Variants in DPP6 observed in about 807,000 individuals in gnomAD.
DPP6 encodes dipeptidyl peptidase like 6.
Under a neutral mutation model 122.6 loss-of-function variants are expected in DPP6, and 69 were observed. The ratio of observed to expected loss-of-function variants is 0.56; its 90% CI spans 0.46 to 0.69. DPP6 has a LOEUF of 0.69. Ranked by LOEUF, DPP6 falls within the 30% of genes least tolerant of loss-of-function variation. The pLI is 0.00. For missense variants in DPP6, 928 were observed against 1,116.9 expected, an observed-to-expected ratio of 0.83 and a Z score of 2.41; for synonymous variants, 418 against 433.1, an observed-to-expected ratio of 0.97 and a Z score of 0.43.
At chr7:154,571,035 C>A (rs1197619614) in intron 5 of DPP6, among the ~76,000 whole-genome samples, 2 of 152,146 alleles carry the variant, frequency 1.3e-5, no homozygotes, top group Non-Finnish European at 2.9e-5. Flanking sequence ...TCCAAAGAGA[C>A]AACATGTGCT....
intron 3 of DPP6, among the ~76,000 whole-genome samples, chr7:154,525,124 G>A (rs1827299457): frequency 6.6e-6 from 1 of 152,146 alleles, no homozygotes; most frequent in African/African-American, 2.4e-5. Flanking sequence ...CAACATCACA[G>A]AGTTTTAAAT....
chr7:154,783,735 A>C (rs1395104151), intron 10 of DPP6, among the ~76,000 whole-genome samples: 1 of 152,100 alleles, frequency 6.6e-6, no homozygotes, highest in African/African-American at 2.4e-5. Flanking sequence ...TGCAGGTCCC[A>C]CGCCTTGGGA....
intron 1 of DPP6, among the ~76,000 whole-genome samples, chr7:154,023,759 G>A (rs1798835741): frequency 6.6e-6 from 1 of 152,070 alleles, no homozygotes; most frequent in East Asian, 1.9e-4. Flanking sequence ...TGGGATTACA[G>A]GTGTGAACCA....
intron 1 of DPP6, among the ~76,000 whole-genome samples, chr7:154,438,341 G>A (rs1034522617): frequency 4.6e-5 from 7 of 151,248 alleles, no homozygotes; most frequent in African/African-American, 1.2e-4. Flanking sequence ...GTGGTGGCGG[G>A]AGCCTGTAGT....
intron 4 of DPP6, among the ~76,000 whole-genome samples, chr7:154,542,294 A>T (rs149144565): frequency 6.6e-6 from 1 of 152,326 alleles, no homozygotes; most frequent in East Asian, 1.9e-4. Context: ...AGAGAATCTG[A>T]TTCAACTCAC....
chr7:154,220,458 A>G (rs1335624520), intron 1 of DPP6, among the ~76,000 whole-genome samples: 4 of 152,212 alleles, frequency 2.6e-5, no homozygotes, highest in African/African-American at 9.6e-5. Context: ...AGAGAAAGCA[A>G]CTATTGGGCA....
intron 17 of DPP6, 35 bp from the exon 18 acceptor site, chr7:154,867,960 T>C (rs1390374705): frequency 1.3e-6 from 2 of 1,559,726 alleles, no homozygotes; most frequent in East Asian, 4.7e-5. Flanking sequence ...GAGTGACCAC[T>C]GCATCTCAGT....
chr7:154,554,684 GA>G (rs534514930), intron 4 of DPP6, among the ~76,000 whole-genome samples: 6 of 152,134 alleles, frequency 3.9e-5, no homozygotes, highest in Non-Finnish European at 8.8e-5. Context: ...TTGTGTTATT[GA>G]TATAACTGGT....
intron 5 of DPP6, among the ~76,000 whole-genome samples, chr7:154,576,846 A>G (rs1831714512): frequency 6.6e-6 from 1 of 152,152 alleles, no homozygotes; most frequent in Non-Finnish European, 1.5e-5. Context: ...GTATTTTCAG[A>G]GGAGTGGTGA....
At position 154,554,247 on chromosome 7, in the gene DPP6, T is replaced by C. The variant is rs140843320; in HGVS notation, c.553-12595T>C. Among the ~76,000 whole-genome samples, 875 of 152,300 alleles carry C rather than the reference T, an allele frequency of 5.7e-3. 5 individuals are homozygous for C. The highest frequency in any genetic ancestry group is 0.02 in the African/African-American group (825 of 41,550). On this transcript the variant is annotated intron_variant, in intron 4 of 25. Transcript: ENST00000377770. ...GGAAGGGAGAATACAATCATCTATT[T>C]ATGTTAAATTTGATGTGTGCACCCA...
At chr7:154,136,241 C>G (rs1795550548) in intron 1 of DPP6, among the ~76,000 whole-genome samples, 1 of 152,124 alleles carries the variant, frequency 6.6e-6, no homozygotes, top group East Asian at 1.9e-4. Context: ...CAGTCGACTC[C>G]AAGACTGTCA....
chr7:153,785,174 C>T, the DPP6 span, among the ~76,000 whole-genome samples: 50 of 151,988 alleles, frequency 3.3e-4, no homozygotes, highest in Non-Finnish European at 5.1e-4. Context: ...CACTTAGTAA[C>T]GAGGAAAGAG....
intron 1 of DPP6, among the ~76,000 whole-genome samples, chr7:153,998,812 A>T (rs1367011567): frequency 6.6e-6 from 1 of 152,262 alleles, no homozygotes; most frequent in Non-Finnish European, 1.5e-5. Flanking sequence ...TCTATGAAGA[A>T]TGTACCCCAA....
chr7:154,516,888 G>C lies in DPP6; in HGVS notation c.458-23644G>C, dbSNP rs374684345. Reference sequence around the variant, plus strand: ...TGTGTGTGTTTTGCCTTGGCAACACGGACCAAGGCACCAGAATAGCACACA... The same window carrying C: ...TGTGTGTGTTTTGCCTTGGCAACACCGACCAAGGCACCAGAATAGCACACA... On this transcript the variant is annotated intron_variant, in intron 3 of 25. Coordinates refer to ENST00000377770, the MANE Select transcript of DPP6 (RefSeq NM_130797.4). 2.0e-5 allele frequency among the ~76,000 whole-genome samples: 3 copies of C among 152,264 alleles called. No homozygotes were observed. The South Asian group carries it at 6.2e-4, about 32-fold the overall frequency.
intron 1 of DPP6, among the ~76,000 whole-genome samples, chr7:153,994,161 G>T (rs991856877): frequency 6.6e-6 from 1 of 151,274 alleles, no homozygotes; most frequent in African/African-American, 2.4e-5. Context: ...CAATTCATGT[G>T]TATTTCACCA....
chr7:154,322,638 T>C (rs990599181), intron 1 of DPP6, among the ~76,000 whole-genome samples: 1 of 152,096 alleles, frequency 6.6e-6, no homozygotes, highest in African/African-American at 2.4e-5. Flanking sequence ...CCTGAAACCA[T>C]AGCAGCATCC....
At chr7:154,331,014 G>A (rs888798754) in intron 1 of DPP6, among the ~76,000 whole-genome samples, 2 of 152,166 alleles carry the variant, frequency 1.3e-5, no homozygotes, top group African/African-American at 4.8e-5. Context: ...GCTATTTAAT[G>A]AGGGCACCTC....
intron 1 of DPP6, among the ~76,000 whole-genome samples, chr7:154,302,979 T>TTTTG (rs35973279): frequency 0.3 from 46,156 of 151,388 alleles, 7,164 homozygotes; most frequent in African/African-American, 0.38. Flanking sequence ...GTTTTAGTTT[T>TTTTG]TTTGTTTGTT....
chr7:154,663,334 C>G (rs1193280499), intron 6 of DPP6, among the ~76,000 whole-genome samples: 1 of 49,624 alleles, frequency 2.0e-5, no homozygotes, highest in African/African-American at 3.9e-5. Context: ...TGGTGAATCA[C>G]CATGGCGTAT....
Sources: allele counts gnomAD v4.1 joint callset (sites outside exome capture counted in the v4.1 genomes callset), GRCh38; gene constraint gnomAD v4.1.1; transcripts MANE v1.5; gene names NCBI Gene and HGNC (gene_info 2026-07-23, HGNC 2026-07-21).